The following EPHA6 variants were observed in gnomAD, a reference collection of about 807,000 sequenced individuals.
EPHA6 encodes EPH receptor A6, also known as ephrin type-A receptor 6.
In EPHA6, 50 loss-of-function variants were observed where a neutral mutation model predicts 112.0. That is an observed-to-expected ratio of 0.45 (90% CI 0.36 to 0.56). The LOEUF (loss-of-function observed/expected upper bound fraction) is 0.56, where lower values mean the gene tolerates loss of function less well. EPHA6 is among the 20% of genes least tolerant of loss of function. EPHA6 has a pLI of 0.00. For synonymous variants in EPHA6, 529 were observed against 490.7 expected (o/e 1.08, Z -1.03); for missense variants, 1,280 against 1,417.4 (o/e 0.90, Z 1.56).
intron 3 of EPHA6, among the ~76,000 whole-genome samples, chr3:97,013,208 T>C (rs1038078192): frequency 6.6e-6 from 1 of 152,170 alleles, no homozygotes; most frequent in Admixed American, 6.5e-5. Context: ...TAGATTTTCT[T>C]CTACGATTGT....
intron 15 of EPHA6, among the ~76,000 whole-genome samples, chr3:97,722,695 C>T (rs1192112797): frequency 6.6e-6 from 1 of 151,528 alleles, no homozygotes; most frequent in East Asian, 1.9e-4. Flanking sequence ...GGGAAAAAAG[C>T]AAGAGAAGAG....
In EPHA6 at chr3:97,757,003, C is replaced by G. The variant is rs998848717; in HGVS notation, c.*8302C>G. Reference sequence around the variant, plus strand: ...TGAATTTTGAAGGAATAATTTTTAACAGTCTTTGTTTCTTAAAATGTTAAT... The same window carrying G: ...TGAATTTTGAAGGAATAATTTTTAAGAGTCTTTGTTTCTTAAAATGTTAAT... On this transcript the variant is annotated 3_prime_UTR_variant, in exon 18 of 18. Coordinates refer to ENST00000389672, the MANE Select transcript of EPHA6 (RefSeq NM_001080448.3). Among the ~76,000 whole-genome samples, 1 of 151,834 alleles carries G rather than the reference C, an allele frequency of 6.6e-6. No individual in the cohort carries two copies. Among genetic ancestry groups the G allele is most frequent in the Non-Finnish European group, 1.5e-5 (1 of 67,720 alleles).
At chr3:97,149,890 A>C (rs986883285) in intron 3 of EPHA6, among the ~76,000 whole-genome samples, 2 of 150,200 alleles carry the variant, frequency 1.3e-5, no homozygotes, top group African/African-American at 2.4e-5. Context: ...TAATATATAT[A>C]AAAAACAGAT....
intron 5 of EPHA6, among the ~76,000 whole-genome samples, chr3:97,388,284 C>A (rs2086189995): frequency 6.6e-6 from 1 of 152,060 alleles, no homozygotes; most frequent in African/African-American, 2.4e-5. Context: ...ATGCTTATTG[C>A]ATTAAAACTG....
intron 14 of EPHA6, among the ~76,000 whole-genome samples, chr3:97,716,862 T>C (rs2107782049): frequency 6.6e-6 from 1 of 152,332 alleles, no homozygotes; most frequent in Non-Finnish European, 1.5e-5. Context: ...ATTAAACTTA[T>C]GTCCCATTTT....
intron 14 of EPHA6, among the ~76,000 whole-genome samples, chr3:97,720,027 A>C (rs1437203502): frequency 1.3e-5 from 2 of 152,246 alleles, no homozygotes; most frequent in Non-Finnish European, 2.9e-5. Flanking sequence ...AATGAATGAA[A>C]TAAAATATTT....
At chr3:97,396,997 A>G (rs746272210) in intron 5 of EPHA6, among the ~76,000 whole-genome samples, 3 of 151,780 alleles carry the variant, frequency 2.0e-5, no homozygotes, top group Non-Finnish European at 3.0e-5. Flanking sequence ...AAACGTAGTC[A>G]TCAGAAAGGT....
intron 2 of EPHA6, among the ~76,000 whole-genome samples, chr3:96,903,691 T>G (rs2038750332): frequency 6.6e-6 from 1 of 152,040 alleles, no homozygotes; most frequent in African/African-American, 2.4e-5. Flanking sequence ...TGGGAGAAAA[T>G]TTTTGCAACC....
intron 3 of EPHA6, among the ~76,000 whole-genome samples, chr3:97,062,547 C>T (rs557611685): frequency 6.6e-6 from 1 of 152,258 alleles, no homozygotes; most frequent in African/African-American, 2.4e-5. Flanking sequence ...TGGGTCTGCC[C>T]CAACCCAAAT....
intron 2 of EPHA6, among the ~76,000 whole-genome samples, chr3:96,915,009 T>C (rs2039414932): frequency 6.7e-6 from 1 of 148,858 alleles, no homozygotes; most frequent in African/African-American, 2.6e-5. Flanking sequence ...TATTAAATAC[T>C]ACTGTGATAT....
intron 3 of EPHA6, among the ~76,000 whole-genome samples, chr3:97,036,351 A>C (rs1236790500): frequency 6.6e-6 from 1 of 152,066 alleles, no homozygotes; most frequent in Non-Finnish European, 1.5e-5. Context: ...CAAAGATTTC[A>C]AAGAAAGGCA....
At chr3:97,150,177 A>G (rs116263560) in intron 3 of EPHA6, among the ~76,000 whole-genome samples, 2,415 of 152,160 alleles carry the variant, frequency 0.016, 75 homozygotes, top group African/African-American at 0.055. Context: ...TTCAGACTAA[A>G]TTAAACCACA....
chr3:96,929,048 A>G (rs1239651083), intron 2 of EPHA6, among the ~76,000 whole-genome samples: 1 of 152,090 alleles, frequency 6.6e-6, no homozygotes, highest in African/African-American at 2.4e-5. Context: ...ACAACATATC[A>G]ATGGGTCTTG....
intron 10 of EPHA6, among the ~76,000 whole-genome samples, chr3:97,487,370 G>A (rs754357516): frequency 6.6e-6 from 1 of 152,204 alleles, no homozygotes; most frequent in Non-Finnish European, 1.5e-5. Context: ...TTCACAAAAA[G>A]CATGATATCA....
At chr3:97,517,443 G>GT (rs1159867358) in intron 10 of EPHA6, among the ~76,000 whole-genome samples, 48 of 150,848 alleles carry the variant, frequency 3.2e-4, no homozygotes, top group African/African-American at 9.5e-4. Flanking sequence ...AGACGTCTGG[G>GT]TTTTTTTTTC....
At chr3:97,521,160 T>G (rs914279430) in intron 10 of EPHA6, among the ~76,000 whole-genome samples, 1 of 151,996 alleles carries the variant, frequency 6.6e-6, no homozygotes, top group Non-Finnish European at 1.5e-5. Flanking sequence ...TCATTGAGCT[T>G]CTTTAACATC....
rs138539456 is a variant in EPHA6 at position 97,366,492 on chromosome 3, T to A, written c.1607-38658T>A. Reference sequence around the variant, plus strand: ...AGATCATTTCAGTAATTAACAGAAGTCCACTGTGGTCATATATACATGTGT... The same window carrying A: ...AGATCATTTCAGTAATTAACAGAAGACCACTGTGGTCATATATACATGTGT... On this transcript the variant is annotated intron_variant, in intron 5 of 17. Transcript: ENST00000389672. 3.7e-3 allele frequency among the ~76,000 whole-genome samples: 558 copies of A among 152,282 alleles called. 2 individuals are homozygous for A. The highest frequency in any genetic ancestry group is 0.013 in the African/African-American group (521 of 41,558).
chr3:96,928,197 G>A (rs1178764808), intron 2 of EPHA6, among the ~76,000 whole-genome samples: 1 of 152,148 alleles, frequency 6.6e-6, no homozygotes, highest in South Asian at 2.1e-4. Flanking sequence ...CAGTTCTCAA[G>A]TTCTTTTAGT....
chr3:96,974,834 T>A (rs2042458869), intron 2 of EPHA6, among the ~76,000 whole-genome samples: 1 of 152,166 alleles, frequency 6.6e-6, no homozygotes, highest in Non-Finnish European at 1.5e-5. Flanking sequence ...TATAACAATT[T>A]ATTCATTCTA....
Sources: allele counts gnomAD v4.1 joint callset (sites outside exome capture counted in the v4.1 genomes callset), GRCh38; gene constraint gnomAD v4.1.1; transcripts MANE v1.5; gene names NCBI Gene and HGNC (gene_info 2026-07-23, HGNC 2026-07-21).